NAE1: variants seen among roughly 807,000 people sequenced by gnomAD.
NAE1 encodes the protein NEDD8 activating enzyme E1 subunit 1.
A neutral mutation model predicts 88.0 loss-of-function variants in NAE1; 59 were observed. That is an observed-to-expected ratio of 0.67 (90% CI 0.54 to 0.83). The LOEUF is 0.83. Ranked by LOEUF, NAE1 falls within the 40% of genes least tolerant of loss-of-function variation. The pLI is 0.00. For missense variants in NAE1, 554 were observed against 632.8 expected, an observed-to-expected ratio of 0.88 and a Z score of 1.34; for synonymous variants, 186 against 208.9, an observed-to-expected ratio of 0.89 and a Z score of 0.95.
At chr16:66,811,330 GTC>G (rs1369085987) in intron 13 of NAE1, among the ~76,000 whole-genome samples, 1 of 152,012 alleles carries the variant, frequency 6.6e-6, no homozygotes, top group Non-Finnish European at 1.5e-5. Flanking sequence ...ACTAATTTTT[GTC>G]TTTTTTGTAG....
intron 11 of NAE1, among the ~76,000 whole-genome samples, chr16:66,814,694 GCT>G (rs1199497192): frequency 1.3e-5 from 2 of 151,580 alleles, no homozygotes; most frequent in South Asian, 2.1e-4. Context: ...CCTCCTAACT[GCT>G]CTCTCTGCTT....
intron 1 of NAE1, chr16:66,827,991 T>C: frequency 6.2e-7 from 1 of 1,613,704 alleles, no homozygotes; most frequent in Non-Finnish European, 8.5e-7. Flanking sequence ...TGGCTTCATT[T>C]GTTTTTGTTT....
rs146053218 is a variant in NAE1, at chr16:66,819,458, C to G, written c.512-821G>C. Among the ~76,000 whole-genome samples, 624 of 152,342 alleles carry G rather than the reference C, an allele frequency of 4.1e-3. 2 individuals carry two copies. The highest frequency in any genetic ancestry group is 0.014 in the African/African-American group (578 of 41,572). Reference sequence around the variant, plus strand: ...GAGGTAGGCCCAGTTCTGTCACTTGCTAACTATGTGACCTTAGGCAAATAA... The same window carrying G: ...GAGGTAGGCCCAGTTCTGTCACTTGGTAACTATGTGACCTTAGGCAAATAA... On this transcript the variant is annotated intron_variant, in intron 7 of 19. Transcript: ENST00000290810.
chr16:66,808,327 A>G (rs1959654744), intron 17 of NAE1, among the ~76,000 whole-genome samples, 194 bp downstream of exon 17: 1 of 152,214 alleles, frequency 6.6e-6, no homozygotes, highest in Non-Finnish European at 1.5e-5. Context: ...GTAATAGTTT[A>G]GAATCGAACA....
intron 4 of NAE1, 25 bp downstream of exon 4, chr16:66,824,830 C>T: frequency 6.3e-7 from 1 of 1,593,686 alleles, no homozygotes; most frequent in Non-Finnish European, 8.6e-7. Context: ...ATGCTCACAT[C>T]CAACTATATT....
At position 66,817,334 on chromosome 16, in the gene NAE1, A is replaced by C. The variant is rs1471368185; in HGVS notation, c.684+91T>G. ...CTACCATACAACTCCATAAGGAAAA[A>C]AAATTAATCTCCCATTCCCCATCAA... is the stretch of plus-strand genomic sequence containing the variant. On this transcript the variant is annotated intron_variant, in intron 9 of 19. Coordinates refer to ENST00000290810, the MANE Select transcript of NAE1 (RefSeq NM_003905.4). 3.6e-6 allele frequency: 4 copies of C among 1,122,986 alleles called. No individual in the cohort carries two copies. In the Admixed American group the frequency reaches 5.8e-5, roughly 16 times the overall value. 69.6% of individuals were successfully genotyped at this position (1,122,986 alleles called of 1,614,324 possible).
rs1339659273 is a variant in NAE1 at position 66,803,120 on chromosome 16, TGAAAG to T, written c.1496-7_1496-3del. 1 of 1,585,834 alleles carries T rather than the reference TGAAAG, an allele frequency of 6.3e-7. No individual in the cohort carries two copies. Among genetic ancestry groups the T allele is most frequent in the East Asian group, 2.2e-5 (1 of 44,644 alleles). ...TGATGACCTCTTGAGCAGCAGCTCC[TGAAAG>T]GAAAAAGGAGAAAAGCAAATCTTTG... On this transcript the variant is annotated splice_polypyrimidine_tract_variant and splice_region_variant and intron_variant, in intron 19 of 19. Transcript: ENST00000290810.
chr16:66,830,962 G>T lies in NAE1; in HGVS notation c.-63C>A. The T allele has an allele frequency of 7.0e-7, 1 of 1,431,182 alleles. No individual in the cohort carries two copies. The highest frequency in any genetic ancestry group is 9.2e-7 in the Non-Finnish European group (1 of 1,088,144). 88.7% of individuals were successfully genotyped at this position (1,431,182 alleles called of 1,614,324 possible). A position where few individuals can be genotyped will look rare whatever the true frequency, so the allele number is the denominator to read the frequency against. ...CGGAGCGCCGCCACCAGCTCCACAA[G>T]CGCGCAGGCGCACTGAGCGCCCCTT... On this transcript the variant is annotated 5_prime_UTR_variant, in exon 1 of 20. Transcript: ENST00000290810.
intron 4 of NAE1, among the ~76,000 whole-genome samples, chr16:66,824,337 AATCTCAGC>A (rs1308902640): frequency 6.6e-6 from 1 of 152,194 alleles, no homozygotes; most frequent in African/African-American, 2.4e-5. Context: ...TCATGCCTGT[AATCTCAGC>A]ACTTTGGGAG....
intron 15 of NAE1, 115 bp from the exon 16 acceptor site, chr16:66,809,190 T>C (rs2145315788): frequency 1.5e-6 from 1 of 645,814 alleles, no homozygotes; most frequent in South Asian, 2.7e-5. Context: ...CATGAGAATG[T>C]GAAGAAATGT....
At chr16:66,827,855 TTTG>T (rs746641480) in intron 1 of NAE1, 12 of 753,132 alleles carry the variant, frequency 1.6e-5, no homozygotes, top group Non-Finnish European at 2.6e-5. Context: ...TGCCTTGTTT[TTTG>T]TTTTTGTTTT....
chr16:66,826,365 T>C, intron 3 of NAE1, 158 bp downstream of exon 3: 1 of 651,968 alleles, frequency 1.5e-6, no homozygotes, highest in Non-Finnish European at 2.6e-6. Context: ...CCAGATGCTG[T>C]ACTAGCACTT....
In NAE1 at chr16:66,816,477, C is replaced by T. The variant is rs574481822; in HGVS notation, c.840+104G>A. 6 of 892,236 alleles carry T rather than the reference C, an allele frequency of 6.7e-6. No individual in the cohort carries two copies. In the African/African-American group the frequency reaches 8.5e-5, roughly 13 times the overall value. 55.3% of individuals were successfully genotyped at this position (892,236 alleles called of 1,614,324 possible). A position where few individuals can be genotyped will look rare whatever the true frequency, so the allele number is the denominator to read the frequency against. ...GGCCCTGTATTTATTTCTAACTATA[C>T]ATTTAGAAAATATTAACTTAAATCA... On this transcript the variant is annotated intron_variant, in intron 11 of 19. Transcript: ENST00000290810.
Position 66,803,030 on chromosome 16 carries a change from A to C in NAE1, c.1584T>G (p.Thr528=), listed in dbSNP as rs1185223060. 4.4e-6 allele frequency: 7 copies of C among 1,608,498 alleles called. No homozygotes were observed. The highest frequency in any genetic ancestry group is 1.3e-5 in the African/African-American group (1 of 74,784). ...TACTCTACAACTGGAAAGTTGCTGAAGTTTGTGACATGCCACTGTAAATGT... is the reference window on the plus strand; with the variant it reads ...TACTCTACAACTGGAAAGTTGCTGACGTTTGTGACATGCCACTGTAAATGT... ...NTYIYSGMSQ[T]SATFQL The change falls in exon 20 of 20, where the codon ACT becomes ACG. Residue 528 remains threonine, a synonymous_variant. Transcript: ENST00000290810.
intron 11 of NAE1, among the ~76,000 whole-genome samples, chr16:66,816,026 A>G (rs1415491484): frequency 6.6e-6 from 1 of 152,124 alleles, no homozygotes; most frequent in Non-Finnish European, 1.5e-5. Flanking sequence ...AGTTGGTAAT[A>G]ATATCTTACG....
At chr16:66,823,752 G>A (rs1960357405) in intron 4 of NAE1, 152 bp from the exon 5 acceptor site, 3 of 665,382 alleles carry the variant, frequency 4.5e-6, no homozygotes, top group Non-Finnish European at 7.5e-6. Flanking sequence ...TCTTTTTAGA[G>A]ACAGGCTTTT....
chr16:66,828,030 T>A, intron 1 of NAE1: 12 of 1,613,992 alleles, frequency 7.4e-6, no homozygotes, highest in Non-Finnish European at 1.0e-5. Context: ...CACTCCACTG[T>A]ATGCTCCATA....
intron 14 of NAE1, 59 bp from the exon 15 acceptor site, chr16:66,810,472 G>A (rs1216834612): frequency 5.5e-6 from 8 of 1,446,040 alleles, no homozygotes; most frequent in Admixed American, 2.0e-5. Flanking sequence ...AACAAAGGGT[G>A]CGGCACAAAG....
chr16:66,823,727 G>T, intron 4 of NAE1, 127 bp from the exon 5 acceptor site: 1 of 708,346 alleles, frequency 1.4e-6, no homozygotes, highest in Non-Finnish European at 2.3e-6. Flanking sequence ...TGACAACTCT[G>T]TTTCCCTTCT....
Sources: allele counts gnomAD v4.1 joint callset (sites outside exome capture counted in the v4.1 genomes callset), GRCh38; gene constraint gnomAD v4.1.1; transcripts MANE v1.5; gene names NCBI Gene and HGNC (gene_info 2026-07-23, HGNC 2026-07-21).